Variants in CBLN2 observed in about 807,000 individuals in gnomAD.
CBLN2 encodes the protein cerebellin-2.
CBLN2 carries 7 observed loss-of-function variants against 15.0 expected under a neutral mutation model. The observed-to-expected ratio is 0.47, with a 90% confidence interval of 0.27 to 0.88. The LOEUF is 0.88. Among genes scored for constraint, CBLN2 ranks in the 40% least tolerant of loss-of-function variants. The probability of loss-of-function intolerance (pLI) is 0.14; values close to 1 mark genes in which losing one functional copy is unlikely to be tolerated. For synonymous variants in CBLN2, 149 were observed against 135.2 expected (o/e 1.10, Z -0.71); for missense variants, 242 against 304.5 (o/e 0.79, Z 1.53).
At chr18:72,549,367 T>C (rs1220648539) in intron 1 of CBLN2, among the ~76,000 whole-genome samples, 1 of 152,226 alleles carries the variant, frequency 6.6e-6, no homozygotes, top group Non-Finnish European at 1.5e-5. Context: ...AGGCCACACA[T>C]TGAGTAGCAA....
chr18:72,546,632 C>A (rs2069160315), upstream of CBLN2, among the ~76,000 whole-genome samples: 1 of 152,106 alleles, frequency 6.6e-6, no homozygotes. Flanking sequence ...AGTGGACATT[C>A]CCACAGACAA....
At chr18:72,545,062 C>T (rs1383837029), upstream of CBLN2, among the ~76,000 whole-genome samples, 8 of 152,164 alleles carry the variant, frequency 5.3e-5, no homozygotes, top group East Asian at 1.5e-3. Flanking sequence ...GACTTCACAC[C>T]GAACCCTCTC....
At chr18:72,630,750 T>C (rs1169899907) in intron 1 of CBLN2, among the ~76,000 whole-genome samples, 1 of 152,168 alleles carries the variant, frequency 6.6e-6, no homozygotes, top group African/African-American at 2.4e-5. Context: ...GCAATCATTT[T>C]AATATCTGTT....
chr18:72,548,096 G>A (rs2069169958), upstream of CBLN2, among the ~76,000 whole-genome samples: 1 of 152,036 alleles, frequency 6.6e-6, no homozygotes, highest in Non-Finnish European at 1.5e-5. Flanking sequence ...ATCTGAGTGT[G>A]GTATCGGTGT....
intron 1 of CBLN2, among the ~76,000 whole-genome samples, chr18:72,562,807 G>C (rs925517518): frequency 6.6e-6 from 1 of 152,194 alleles, no homozygotes; most frequent in South Asian, 2.1e-4. Flanking sequence ...GTTTTTAGAA[G>C]TTGGTTACCT....
chr18:72,585,144 A>G (rs2069433987), intron 1 of CBLN2, among the ~76,000 whole-genome samples: 2 of 152,222 alleles, frequency 1.3e-5, no homozygotes, highest in Admixed American at 6.5e-5. Context: ...GCCCTGGCTC[A>G]CAGAGCTCCT....
chr18:72,577,020 T>G (rs1288368606), intron 1 of CBLN2, among the ~76,000 whole-genome samples: 1 of 102,924 alleles, frequency 9.7e-6, no homozygotes, highest in Admixed American at 1.3e-4. Flanking sequence ...ATATATAATG[T>G]GATATATATA....
chr18:72,621,574 T>C (rs2069700925), intron 1 of CBLN2, among the ~76,000 whole-genome samples: 1 of 152,210 alleles, frequency 6.6e-6, no homozygotes. Context: ...TATTCAATTA[T>C]TTTTTAAAAC....
intron 1 of CBLN2, among the ~76,000 whole-genome samples, chr18:72,575,843 AT>A (rs1318181855): frequency 2.0e-5 from 3 of 152,030 alleles, no homozygotes; most frequent in Non-Finnish European, 2.9e-5. Flanking sequence ...TAGAAGGTTA[AT>A]TTTGTTTGCC....
chr18:72,567,802 C>T (rs2069305578), intron 1 of CBLN2, among the ~76,000 whole-genome samples: 5 of 152,148 alleles, frequency 3.3e-5, no homozygotes, highest in Admixed American at 3.3e-4. Context: ...CATCAGACCC[C>T]TCAAGAAGTT....
intron 3 of CBLN2, among the ~76,000 whole-genome samples, chr18:72,541,436 C>A (rs920124825): frequency 2.0e-5 from 3 of 152,128 alleles, no homozygotes; most frequent in African/African-American, 7.2e-5. Context: ...CAGGTGGCCA[C>A]CTGGGTGACT....
intron 1 of CBLN2, among the ~76,000 whole-genome samples, chr18:72,637,341 G>A (rs1359007097): frequency 6.6e-6 from 1 of 151,864 alleles, no homozygotes; most frequent in Non-Finnish European, 1.5e-5. Flanking sequence ...CCAGCTACCA[G>A]TCCCTGAAGA....
rs1397160856 is a variant in CBLN2 at position 72,543,799 on chromosome 18, G to C, written c.-212+178C>G. Among the ~76,000 whole-genome samples, 4 of 151,872 alleles carry C rather than the reference G, an allele frequency of 2.6e-5. No homozygotes were observed. Among genetic ancestry groups the C allele is most frequent in the African/African-American group, 9.7e-5 (4 of 41,398 alleles). On this transcript the variant is annotated intron_variant, in intron 1 of 4. Coordinates refer to ENST00000269503, the MANE Select transcript of CBLN2 (RefSeq NM_182511.4). The surrounding 1 kb of genome is among the most constrained non-coding windows in gnomAD (Gnocchi z 6.8). ...GGCTTCGCGCCCGCACCGCTGCCTG[G>C]GGCCCCTCGAGCTCCCGCGCTCAGC... is the stretch of plus-strand genomic sequence containing the variant.
Position 72,542,088 on chromosome 18 carries a change from G to T in CBLN2, c.73C>A (p.Pro25Thr). ...MPGRRGALRE[P>T]GGCGSCLGVA... is the part of the protein sequence containing the mutation. ...CCCAGGCAGGATCCGCAGCCGCCCG[G>T]CTCGCGCAGCGCCCCCCGGCGCCCG... The change falls in exon 3 of 5, where the codon CCG (proline) becomes ACG (threonine). Residue 25 changes from proline (P) to threonine (T), a missense_variant. This residue lies in a region of CBLN2 where 96 missense variants were observed against 83.8 expected (regional missense o/e 1.15). Coordinates refer to ENST00000269503, the MANE Select transcript of CBLN2 (RefSeq NM_182511.4). 6.6e-7 allele frequency: 1 copy of T among 1,509,660 alleles called. No homozygotes were observed. Among genetic ancestry groups the T allele is most frequent in the East Asian group, 2.7e-5 (1 of 36,986 alleles). 93.5% of individuals were successfully genotyped at this position (1,509,660 alleles called of 1,614,324 possible).
intron 1 of CBLN2, among the ~76,000 whole-genome samples, chr18:72,599,950 G>T (rs1380239053): frequency 6.6e-6 from 1 of 152,184 alleles, no homozygotes; most frequent in Non-Finnish European, 1.5e-5. Flanking sequence ...TCTATGGGAA[G>T]CTTGGAGAGT....
intron 1 of CBLN2, among the ~76,000 whole-genome samples, chr18:72,594,444 C>CT (rs199998229): frequency 0.083 from 11,603 of 139,542 alleles, 450 homozygotes; most frequent in African/African-American, 0.12. Context: ...CTGTAGTTCT[C>CT]TTTTTTTTTT....
chr18:72,599,283 A>T (rs2069532642), intron 1 of CBLN2, among the ~76,000 whole-genome samples: 1 of 152,220 alleles, frequency 6.6e-6, no homozygotes, highest in African/African-American at 2.4e-5. Context: ...TTGTTACTTT[A>T]TAATTAAAAA....
At chr18:72,590,131 G>A (rs1355049735) in intron 1 of CBLN2, among the ~76,000 whole-genome samples, 2 of 152,214 alleles carry the variant, frequency 1.3e-5, no homozygotes, top group Non-Finnish European at 2.9e-5. Flanking sequence ...CGGGCATGGT[G>A]GCGGGCACCT....
chr18:72,577,050 AT>A (rs2069372567), intron 1 of CBLN2, among the ~76,000 whole-genome samples: 1 of 147,928 alleles, frequency 6.8e-6, no homozygotes, highest in Non-Finnish European at 1.5e-5. Flanking sequence ...TTATATATAT[AT>A]AAATGTGAAT....
Sources: allele counts gnomAD v4.1 joint callset (sites outside exome capture counted in the v4.1 genomes callset), GRCh38; gene constraint gnomAD v4.1.1; regional missense constraint gnomAD v4.1.1; non-coding constraint Gnocchi (gnomAD v3.1); transcripts MANE v1.5; gene names NCBI Gene and HGNC (gene_info 2026-07-23, HGNC 2026-07-21).